Variants in MYO1H observed in about 807,000 individuals in gnomAD.
MYO1H encodes myosin IH.
A neutral mutation model predicts 149.3 loss-of-function variants in MYO1H; 118 were observed. That is an observed-to-expected ratio of 0.79 (90% CI 0.68 to 0.92). MYO1H has a LOEUF of 0.92. Ranked by LOEUF, MYO1H falls within the 40% of genes least tolerant of loss-of-function variation. The pLI is 0.00. For missense variants in MYO1H, 1,212 were observed against 1,280.7 expected (o/e 0.95, Z 0.82); for synonymous variants, 447 against 465.2 (o/e 0.96, Z 0.50).
intron 6 of MYO1H, among the ~76,000 whole-genome samples, chr12:109,402,415 G>A (rs1355829049): frequency 6.6e-6 from 1 of 152,058 alleles, no homozygotes; most frequent in East Asian, 1.9e-4. Context: ...CATAAAATGA[G>A]GATCAACACT....
chr12:109,377,560 C>T (rs1190146481), intron 1 of MYO1H, among the ~76,000 whole-genome samples: 1 of 152,186 alleles, frequency 6.6e-6, no homozygotes, highest in African/African-American at 2.4e-5. Flanking sequence ...CAGGTTTCAA[C>T]ATGAGACTTG....
intron 9 of MYO1H, 69 bp from the exon 10 acceptor site, chr12:109,407,725 A>G: frequency 2.0e-6 from 3 of 1,495,918 alleles, no homozygotes; most frequent in Admixed American, 2.2e-5. Flanking sequence ...TTAAGAAAAA[A>G]GACTTCTTTG....
chr12:109,349,831 G>T (rs923440641), intron 1 of MYO1H, among the ~76,000 whole-genome samples: 1 of 151,114 alleles, frequency 6.6e-6, no homozygotes, highest in Admixed American at 6.6e-5. Flanking sequence ...CGTGGTAGGG[G>T]GTGCCTATAG....
the MYO1H span, among the ~76,000 whole-genome samples, chr12:109,324,306 C>G: frequency 6.6e-6 from 1 of 152,278 alleles, no homozygotes; most frequent in South Asian, 2.1e-4. Context: ...GCCCCGGAAG[C>G]CACACAGTGT....
At chr12:109,321,139 A>C in the MYO1H span, among the ~76,000 whole-genome samples, 1 of 152,198 alleles carries the variant, frequency 6.6e-6, no homozygotes, top group Admixed American at 6.5e-5. Flanking sequence ...ATCTGCCTGC[A>C]TAAAAATTAA....
intron 31 of MYO1H, chr12:109,446,056 T>C (rs1872466558): frequency 1.0e-6 from 1 of 985,146 alleles, no homozygotes; most frequent in Non-Finnish European, 1.2e-6. Flanking sequence ...AAGAAAAATA[T>C]GTAAGAAAGA....
At chr12:109,310,655 A>G in the MYO1H span, among the ~76,000 whole-genome samples, 1 of 151,920 alleles carries the variant, frequency 6.6e-6, no homozygotes. Flanking sequence ...GGAAGAACTC[A>G]GGGCTCCCCT....
At chr12:109,427,087 G>A (rs973872445) in intron 18 of MYO1H, among the ~76,000 whole-genome samples, 12 of 152,148 alleles carry the variant, frequency 7.9e-5, no homozygotes, top group Admixed American at 2.6e-4. Context: ...AGGCCGAGGC[G>A]GGTGGATCAC....
At chr12:109,325,989 C>T in the MYO1H span, among the ~76,000 whole-genome samples, 1 of 152,124 alleles carries the variant, frequency 6.6e-6, no homozygotes, top group Non-Finnish European at 1.5e-5. Context: ...AATTAGTTCT[C>T]ATTCTTTAAG....
At chr12:109,363,088 C>T (rs1357295768) in intron 1 of MYO1H, among the ~76,000 whole-genome samples, 3 of 152,232 alleles carry the variant, frequency 2.0e-5, no homozygotes, top group Admixed American at 6.5e-5. Context: ...GCACTTCCTT[C>T]CTCACCAGCA....
chr12:109,368,347 C>T (rs935566358), intron 1 of MYO1H, among the ~76,000 whole-genome samples: 1 of 152,066 alleles, frequency 6.6e-6, no homozygotes, highest in Non-Finnish European at 1.5e-5. Context: ...AATGGGACAA[C>T]TTACAGTCAT....
exon 20 of MYO1H, chr12:109,432,962 G>C: frequency 6.2e-7 from 1 of 1,613,956 alleles, no homozygotes; most frequent in Non-Finnish European, 8.5e-7. Context: ...GGCGTGGAAC[G>C]GCTGATCAAG....
chr12:109,396,294 T>G (rs779871543), intron 3 of MYO1H, 90 bp from the exon 4 acceptor site: 5 of 1,071,620 alleles, frequency 4.7e-6, no homozygotes, highest in Non-Finnish European at 5.4e-6. Flanking sequence ...TTCCTGGAGA[T>G]GGAGCACCTC....
At chr12:109,352,819 G>A (rs1217007016) in intron 1 of MYO1H, among the ~76,000 whole-genome samples, 1 of 152,200 alleles carries the variant, frequency 6.6e-6, no homozygotes, top group East Asian at 1.9e-4. Context: ...CCATTAGCTC[G>A]TGTTCAGTGT....
chr12:109,421,150 C>T, intron 16 of MYO1H, 123 bp downstream of exon 16: 1 of 631,140 alleles, frequency 1.6e-6, no homozygotes, highest in Non-Finnish European at 2.8e-6. Flanking sequence ...AGAACTCCAG[C>T]ATGTCATGGC....
intron 15 of MYO1H, among the ~76,000 whole-genome samples, chr12:109,415,823 A>G (rs1870878639): frequency 6.6e-6 from 1 of 152,206 alleles, no homozygotes; most frequent in Non-Finnish European, 1.5e-5. Context: ...TTCACATATC[A>G]TCCATTTACC....
the MYO1H span, among the ~76,000 whole-genome samples, chr12:109,341,667 G>GC: frequency 6.6e-6 from 1 of 152,176 alleles, no homozygotes; most frequent in African/African-American, 2.4e-5. Flanking sequence ...CATCCTCTGT[G>GC]ATGGGTTAGG....
the MYO1H span, among the ~76,000 whole-genome samples, chr12:109,313,217 A>C: frequency 2.0e-5 from 3 of 152,192 alleles, no homozygotes; most frequent in African/African-American, 7.2e-5. Flanking sequence ...ACTGCACTCC[A>C]GCCTGGGCAA....
intron 30 of MYO1H, among the ~76,000 whole-genome samples, chr12:109,445,079 A>G (rs921365016): frequency 3.3e-5 from 5 of 152,182 alleles, no homozygotes; most frequent in Non-Finnish European, 7.3e-5. Flanking sequence ...TGAAGGCAGG[A>G]TATCCTGGAG....
Sources: gnomAD v4.1 joint callset for allele counts (sites outside exome capture counted in the v4.1 genomes callset) on GRCh38, gnomAD v4.1.1 for gene constraint, MANE v1.5 for transcripts, NCBI Gene and HGNC (gene_info 2026-07-23, HGNC 2026-07-21) for gene names.